TMEM135: variants seen among roughly 807,000 people sequenced by gnomAD.
TMEM135 encodes the protein transmembrane protein 135.
A neutral mutation model predicts 60.3 loss-of-function variants in TMEM135; 30 were observed. That is an observed-to-expected ratio of 0.50 (90% confidence interval 0.37 to 0.68). The LOEUF (loss-of-function observed/expected upper bound fraction) is 0.68, where lower values mean the gene tolerates loss of function less well. TMEM135 is among the 30% of genes least tolerant of loss of function. The pLI is 0.00. For missense variants in TMEM135, 468 were observed against 548.8 expected, an observed-to-expected ratio of 0.85 and a Z score of 1.47; for synonymous variants, 190 against 186.7, an observed-to-expected ratio of 1.02 and a Z score of -0.14.
chr11:87,136,672 T>A (rs969740715), intron 4 of TMEM135, among the ~76,000 whole-genome samples: 1 of 152,064 alleles, frequency 6.6e-6, no homozygotes, highest in Non-Finnish European at 1.5e-5. Context: ...TTTTTTTTTT[T>A]TGAAGACATT....
At chr11:87,290,655 T>G (rs974600622) in intron 6 of TMEM135, among the ~76,000 whole-genome samples, 1 of 152,322 alleles carries the variant, frequency 6.6e-6, no homozygotes, top group African/African-American at 2.4e-5. Flanking sequence ...ACATTGAGCT[T>G]CTTTATACTT....
chr11:87,141,790 T>C (rs928774498), intron 4 of TMEM135, among the ~76,000 whole-genome samples: 2 of 152,092 alleles, frequency 1.3e-5, no homozygotes, highest in Admixed American at 6.5e-5. Context: ...GGAAAAATTT[T>C]AAAAATTTAA....
At chr11:87,259,286 A>G in intron 6 of TMEM135, 1 of 361,702 alleles carries the variant, frequency 2.8e-6, no homozygotes, top group Admixed American at 3.8e-5. Flanking sequence ...CCAGAAGTGG[A>G]AAAAAAGGAT....
At chr11:87,168,177 G>A (rs950254931) in intron 5 of TMEM135, among the ~76,000 whole-genome samples, 8 of 151,936 alleles carry the variant, frequency 5.3e-5, no homozygotes, top group African/African-American at 1.5e-4. Context: ...TTTTTTTATT[G>A]TGTCTATTTT....
chr11:87,182,331 A>G (rs889247181), intron 5 of TMEM135, among the ~76,000 whole-genome samples: 1 of 152,128 alleles, frequency 6.6e-6, no homozygotes, highest in African/African-American at 2.4e-5. Context: ...TTTCTTGTCC[A>G]TTGCCCAGAC....
At chr11:87,088,715 G>T (rs1164047550) in intron 3 of TMEM135, among the ~76,000 whole-genome samples, 1 of 152,184 alleles carries the variant, frequency 6.6e-6, no homozygotes, top group East Asian at 1.9e-4. Context: ...AATCTCCAAA[G>T]ATATTAGAAA....
chr11:87,296,277 C>T (rs1452406311), intron 7 of TMEM135, among the ~76,000 whole-genome samples: 2 of 152,132 alleles, frequency 1.3e-5, no homozygotes, highest in African/African-American at 4.8e-5. Context: ...GCAATTGGCA[C>T]ATAGTATATA....
At chr11:87,217,982 C>T (rs1940538238) in intron 5 of TMEM135, among the ~76,000 whole-genome samples, 1 of 152,144 alleles carries the variant, frequency 6.6e-6, no homozygotes, top group African/African-American at 2.4e-5. Context: ...ATGAGTGTTC[C>T]AAGTCTTTAA....
Position 87,324,079 on chromosome 11 carries a change from T to C in TMEM135, c.*2746T>C, listed in dbSNP as rs1221707679. The C allele has an allele frequency of 2.2e-6, 1 of 454,110 alleles. No individual in the cohort carries two copies. The highest frequency in any genetic ancestry group is 6.9e-5 in the East Asian group (1 of 14,398). 28.1% of individuals were successfully genotyped at this position (454,110 alleles called of 1,614,324 possible). On this transcript the variant is annotated 3_prime_UTR_variant, in exon 15 of 15. Transcript: ENST00000305494. ...TTTGATGGAATCCAAACTGAGCAAATGTCACACAGTATTTTCTTGTTGTGC... is the reference window on the plus strand; with the variant it reads ...TTTGATGGAATCCAAACTGAGCAAACGTCACACAGTATTTTCTTGTTGTGC...
chr11:87,213,478 G>GCA (rs1404718336), intron 5 of TMEM135, among the ~76,000 whole-genome samples: 1 of 152,162 alleles, frequency 6.6e-6, no homozygotes, highest in Non-Finnish European at 1.5e-5. Flanking sequence ...GAGTCAGTGA[G>GCA]GGAGCACAGT....
chr11:87,054,012 T>A (rs564289270), intron 1 of TMEM135, among the ~76,000 whole-genome samples: 1 of 152,346 alleles, frequency 6.6e-6, no homozygotes, highest in Admixed American at 6.5e-5. Flanking sequence ...ATGAGTCAAG[T>A]TAGTATGGTG....
intron 6 of TMEM135, among the ~76,000 whole-genome samples, chr11:87,286,431 C>T (rs577225477): frequency 3.8e-4 from 58 of 152,360 alleles, no homozygotes; most frequent in African/African-American, 1.3e-3. Context: ...CAAGTCCCCA[C>T]CCGACTCAGG....
intron 4 of TMEM135, among the ~76,000 whole-genome samples, chr11:87,156,373 A>G (rs1354820821): frequency 6.6e-6 from 1 of 152,050 alleles, no homozygotes; most frequent in East Asian, 1.9e-4. Context: ...GAATTTCAGG[A>G]TGGATTTTTC....
intron 3 of TMEM135, among the ~76,000 whole-genome samples, chr11:87,083,735 A>G (rs1857035814): frequency 6.6e-6 from 1 of 152,192 alleles, no homozygotes; most frequent in Non-Finnish European, 1.5e-5. Context: ...GAACATGATC[A>G]TAGACTCTTG....
chr11:87,246,346 C>T (rs1420692697), intron 6 of TMEM135, among the ~76,000 whole-genome samples: 55 of 150,490 alleles, frequency 3.7e-4, no homozygotes, highest in Non-Finnish European at 4.9e-4. Context: ...TTGCTCTTCT[C>T]GAGGAGTATC....
At chr11:87,175,484 C>A (rs1391943633) in intron 5 of TMEM135, among the ~76,000 whole-genome samples, 1 of 152,122 alleles carries the variant, frequency 6.6e-6, no homozygotes, top group Non-Finnish European at 1.5e-5. Context: ...TCTGTGTGTG[C>A]CTTTCTACAC....
At chr11:87,171,338 GTT>G (rs199500975) in intron 5 of TMEM135, among the ~76,000 whole-genome samples, 9 of 115,878 alleles carry the variant, frequency 7.8e-5, no homozygotes, top group Admixed American at 2.9e-4. Context: ...ACAGTGTAGT[GTT>G]TTTTTTTTTT....
At chr11:87,218,177 A>G (rs301586) in intron 5 of TMEM135, among the ~76,000 whole-genome samples, 72,783 of 151,856 alleles carry the variant, frequency 0.48, 18,625 homozygotes, top group Non-Finnish European at 0.58. Context: ...CTTCCCTGCC[A>G]TGAGCCCCAC....
At position 87,309,625 on chromosome 11, in the gene TMEM135, A is replaced by G; in HGVS notation, c.889A>G (p.Asn297Asp). ...RLLSLFYNKE[N>D]FQLGAFLGSF... ...ACTTTCTCTCTTCTACAATAAAGAA[A>G]ACTTCCAGCTTGGAGCTTTTCTTGG... Residue 297 changes from asparagine (N) to aspartate (D), a missense_variant, in exon 10 of 15, where the codon AAC (asparagine) becomes GAC (aspartate). Asn to Asp is a conservative substitution (Grantham distance 23). Transcript: ENST00000305494. The G allele has an allele frequency of 6.2e-7, 1 of 1,613,834 alleles. No homozygotes were observed. Among genetic ancestry groups the G allele is most frequent in the Non-Finnish European group, 8.5e-7 (1 of 1,179,794 alleles).
Sources: allele counts gnomAD v4.1 joint callset (sites outside exome capture counted in the v4.1 genomes callset), GRCh38; gene constraint gnomAD v4.1.1; transcripts MANE v1.5; gene names NCBI Gene and HGNC (gene_info 2026-07-23, HGNC 2026-07-21).